SPIRE1: variants seen among roughly 807,000 people sequenced by gnomAD.
The protein encoded by SPIRE1 is protein spire homolog 1.
In SPIRE1, 40 loss-of-function variants were observed where a neutral mutation model predicts 94.1. That is an observed-to-expected ratio of 0.43 (90% CI 0.33 to 0.55). SPIRE1 has a LOEUF of 0.55. Among genes scored for constraint, SPIRE1 ranks in the 20% least tolerant of loss-of-function variants. SPIRE1 has a pLI of 0.06. For synonymous variants in SPIRE1, 376 were observed against 371.7 expected (o/e 1.01, Z -0.13); for missense variants, 838 against 975.2 (o/e 0.86, Z 1.87).
At chr18:12,551,494 G>A (rs1273423864) in intron 2 of SPIRE1, among the ~76,000 whole-genome samples, 1 of 152,176 alleles carries the variant, frequency 6.6e-6, no homozygotes, top group Non-Finnish European at 1.5e-5. Context: ...GAGGTCGGGA[G>A]ATTGAGACCA....
At chr18:12,471,996 G>A (rs2032380307) in intron 10 of SPIRE1, among the ~76,000 whole-genome samples, 1 of 152,106 alleles carries the variant, frequency 6.6e-6, no homozygotes, top group African/African-American at 2.4e-5. Flanking sequence ...TGTTGGCCAG[G>A]CTAGTCTTCA....
intron 2 of SPIRE1, among the ~76,000 whole-genome samples, chr18:12,583,361 T>G (rs1567949390): frequency 6.6e-6 from 1 of 152,116 alleles, no homozygotes; most frequent in Non-Finnish European, 1.5e-5. Context: ...CCCAGCACTT[T>G]GGGAGGCCAA....
chr18:12,511,884 C>G (rs565648355), intron 5 of SPIRE1, among the ~76,000 whole-genome samples: 1 of 151,936 alleles, frequency 6.6e-6, no homozygotes, highest in Non-Finnish European at 1.5e-5. Context: ...GCCACCAGCC[C>G]GGCTAATTTT....
intron 8 of SPIRE1, among the ~76,000 whole-genome samples, chr18:12,488,905 G>A (rs1427802477): frequency 1.3e-5 from 2 of 152,264 alleles, no homozygotes; most frequent in Non-Finnish European, 2.9e-5. Flanking sequence ...TCTTCCTTGG[G>A]TCAGGCGCGG....
chr18:12,596,523 G>T (rs1598509897), intron 2 of SPIRE1, among the ~76,000 whole-genome samples: 2 of 152,184 alleles, frequency 1.3e-5, no homozygotes, highest in East Asian at 3.9e-4. Context: ...TTGAAAGGGG[G>T]ATGAGAAATG....
In SPIRE1 at chr18:12,446,965, T is replaced by G. The variant is rs1320385355; in HGVS notation, c.*2673A>C. ...AATCAACGTACGTCAATCATTCATTTTCACTTGCCTTGGGAGAGTTAATTC... is the reference window on the plus strand; with the variant it reads ...AATCAACGTACGTCAATCATTCATTGTCACTTGCCTTGGGAGAGTTAATTC... On this transcript the variant is annotated 3_prime_UTR_variant, in exon 17 of 17. Transcript: ENST00000409402. The G allele has an allele frequency of 1.3e-5, 2 of 152,226 alleles. No individual in the cohort carries two copies. Among genetic ancestry groups the G allele is most frequent in the Admixed American group, 1.3e-4 (2 of 15,276 alleles). 9.4% of individuals were successfully genotyped at this position (152,226 alleles called of 1,614,324 possible).
intron 10 of SPIRE1, among the ~76,000 whole-genome samples, chr18:12,467,762 C>G (rs2032180463): frequency 6.6e-6 from 1 of 152,130 alleles, no homozygotes; most frequent in East Asian, 1.9e-4. Context: ...CCAGCCTGAC[C>G]AACATGGAGA....
At chr18:12,531,966 C>T (rs984365628) in intron 4 of SPIRE1, among the ~76,000 whole-genome samples, 5 of 152,308 alleles carry the variant, frequency 3.3e-5, no homozygotes, top group Admixed American at 2.6e-4. Flanking sequence ...TTTCATACAA[C>T]CTGATGCACT....
At chr18:12,528,517 C>T (rs950057741) in intron 4 of SPIRE1, among the ~76,000 whole-genome samples, 6 of 152,126 alleles carry the variant, frequency 3.9e-5, no homozygotes, top group Admixed American at 1.3e-4. Flanking sequence ...AGGCCCTGGA[C>T]ATTCAGGAAT....
In SPIRE1 at chr18:12,448,431, C is replaced by T. The variant is rs3935; in HGVS notation, c.*1207G>A. On this transcript the variant is annotated 3_prime_UTR_variant, in exon 17 of 17. Coordinates refer to ENST00000409402, the MANE Select transcript of SPIRE1 (RefSeq NM_001128626.2). This position sits in a 1 kb window ranked among gnomAD's most constrained non-coding sequence, Gnocchi z 4.4. ...CATTTGTAAGCATACCAAAATAATA[C>T]AGTATAGCCCACGTATGAGCCAAAC... The T allele has an allele frequency of 2.0e-5, 3 of 152,376 alleles. No individual in the cohort carries two copies. The highest frequency in any genetic ancestry group is 6.6e-5 in the Admixed American group (1 of 15,260). The allele number at this position is 152,376 out of a possible 1,614,324, so 9.4% of individuals were successfully genotyped here.
intron 1 of SPIRE1, chr18:12,656,645 ACTTGC>A: frequency 1.1e-6 from 1 of 919,718 alleles, no homozygotes; most frequent in African/African-American, 1.8e-5. Flanking sequence ...TTTTTAATAG[ACTTGC>A]CTCTCAAAAG....
intron 2 of SPIRE1, among the ~76,000 whole-genome samples, chr18:12,611,732 T>C (rs1182600854): frequency 6.6e-6 from 1 of 152,188 alleles, no homozygotes; most frequent in East Asian, 1.9e-4. Flanking sequence ...GGCATGATCA[T>C]GGCTCACTCA....
chr18:12,595,923 G>T (rs1296971682), intron 2 of SPIRE1, among the ~76,000 whole-genome samples: 1 of 151,628 alleles, frequency 6.6e-6, no homozygotes, highest in Non-Finnish European at 1.5e-5. Flanking sequence ...TTTGCCACAA[G>T]AAAAAAAAGA....
At chr18:12,485,900 G>T in intron 9 of SPIRE1, 59 bp downstream of exon 9, 2 of 1,232,130 alleles carry the variant, frequency 1.6e-6, no homozygotes, top group African/African-American at 1.5e-5. Flanking sequence ...TGAATGAAAT[G>T]TATTTCACAG....
At chr18:12,500,084 A>G (rs930423473) in intron 6 of SPIRE1, among the ~76,000 whole-genome samples, 1 of 152,206 alleles carries the variant, frequency 6.6e-6, no homozygotes, top group African/African-American at 2.4e-5. Context: ...ATGGGTACAC[A>G]TGGACGCAAA....
rs1275619315 is a variant in SPIRE1, at chr18:12,559,996, C to G, written c.373-13092G>C. Among the ~76,000 whole-genome samples the G allele has an allele frequency of 6.6e-6, 1 of 152,218 alleles. No homozygotes were observed. The highest frequency in any genetic ancestry group is 1.5e-5 in the Non-Finnish European group (1 of 68,024). On this transcript the variant is annotated intron_variant, in intron 2 of 16. Transcript: ENST00000409402. The surrounding 1 kb of genome is among the most constrained non-coding windows in gnomAD (Gnocchi z 4.7). ...TGGCAAACAGGTATATGAAAAGGTG[C>G]TTGACATCATTGATTGTCAGAGTAA...
At chr18:12,628,169 G>C (rs1296517443) in intron 2 of SPIRE1, among the ~76,000 whole-genome samples, 1 of 152,134 alleles carries the variant, frequency 6.6e-6, no homozygotes, top group East Asian at 1.9e-4. Context: ...TTTTCTTCTA[G>C]GGTTTTTATA....
intron 1 of SPIRE1, chr18:12,653,156 C>T (rs1293860351): frequency 1.3e-5 from 2 of 152,216 alleles, no homozygotes; most frequent in Middle Eastern, 3.2e-3. Flanking sequence ...AGGGGAGGGG[C>T]CTACTGGCAT....
Position 12,505,310 on chromosome 18 carries a change from G to A in SPIRE1, c.972+1167C>T, listed in dbSNP as rs553569907. 7.2e-5 allele frequency among the ~76,000 whole-genome samples: 11 copies of A among 152,078 alleles called. No individual in the cohort carries two copies. The South Asian group carries it at 1.0e-3, about 14-fold the overall frequency. On this transcript the variant is annotated intron_variant, in intron 6 of 16. Coordinates refer to ENST00000409402, the MANE Select transcript of SPIRE1 (RefSeq NM_001128626.2). ...CTATAATCCCAGCACTTTGGGAGGC[G>A]GAGGCAGGTGGATCACTTGAGCTCT...
Sources: gnomAD v4.1 joint callset for allele counts (sites outside exome capture counted in the v4.1 genomes callset) on GRCh38, gnomAD v4.1.1 for gene constraint, Gnocchi (gnomAD v3.1) non-coding constraint, MANE v1.5 for transcripts, NCBI Gene and HGNC (gene_info 2026-07-23, HGNC 2026-07-21) for gene names.